MGAT4C: variants seen among roughly 807,000 people sequenced by gnomAD.
MGAT4C encodes the protein MGAT4 family member C, also known as alpha-1,3-mannosyl-glycoprotein 4-beta-N-acetylglucosaminyltransferase C.
MGAT4C carries 19 observed loss-of-function variants against 40.1 expected under a neutral mutation model. The ratio of observed to expected loss-of-function variants is 0.47; its 90% CI spans 0.33 to 0.70. The LOEUF is 0.70. Ranked by LOEUF, MGAT4C falls within the 30% of genes least tolerant of loss-of-function variation. The pLI is 0.02. For missense variants in MGAT4C, 491 were observed against 563.2 expected (o/e 0.87, Z 1.30); for synonymous variants, 181 against 187.1 (o/e 0.97, Z 0.27).
chr12:86,190,729 C>T (rs1010042017), intron 1 of MGAT4C, among the ~76,000 whole-genome samples: 6 of 151,822 alleles, frequency 4.0e-5, no homozygotes, highest in African/African-American at 1.2e-4. Context: ...AATAACGTGT[C>T]TTTTTTTGGT....
chr12:86,622,952 A>T (rs1962685317), intron 2 of MGAT4C, among the ~76,000 whole-genome samples: 1 of 152,160 alleles, frequency 6.6e-6, no homozygotes, highest in South Asian at 2.1e-4. Flanking sequence ...AGCTATAAAA[A>T]ACAAAACTCC....
At chr12:86,492,388 T>TG (rs1958154872) in intron 2 of MGAT4C, among the ~76,000 whole-genome samples, 1 of 152,138 alleles carries the variant, frequency 6.6e-6, no homozygotes, top group Admixed American at 6.5e-5. Context: ...ACTACCTGAC[T>TG]TCAAACTATA....
At chr12:86,198,523 C>T (rs1016556158) in intron 1 of MGAT4C, among the ~76,000 whole-genome samples, 11 of 152,104 alleles carry the variant, frequency 7.2e-5, no homozygotes, top group African/African-American at 2.7e-4. Context: ...TTTCATTGTT[C>T]GCATGCATAG....
At chr12:86,224,851 T>G (rs970909024) in intron 1 of MGAT4C, among the ~76,000 whole-genome samples, 5 of 151,810 alleles carry the variant, frequency 3.3e-5, no homozygotes, top group African/African-American at 1.2e-4. Context: ...ATATATCAAA[T>G]AACAATCTAA....
chr12:86,122,081 C>T (rs1178999471), intron 1 of MGAT4C, among the ~76,000 whole-genome samples: 1 of 152,078 alleles, frequency 6.6e-6, no homozygotes, highest in African/African-American at 2.4e-5. Flanking sequence ...TCATCAAACT[C>T]GAGCTGCTAT....
At chr12:86,716,792 A>G (rs1329389352) in intron 2 of MGAT4C, among the ~76,000 whole-genome samples, 1 of 152,096 alleles carries the variant, frequency 6.6e-6, no homozygotes. Context: ...AATGTTTCAT[A>G]TATTTGAAAG....
chr12:86,469,419 G>T lies in MGAT4C; in HGVS notation c.-228-34154C>A, dbSNP rs186441616. 1.4e-4 allele frequency among the ~76,000 whole-genome samples: 21 copies of T among 152,220 alleles called. No individual in the cohort carries two copies. The East Asian group carries it at 3.7e-3, about 27-fold the overall frequency. On this transcript the variant is annotated intron_variant, in intron 2 of 7. Coordinates refer to the MGAT4C transcript ENST00000548651. ...CTTTTGCCAGCACTCTCTCTTGTCTGATTCCTTTCTCTCATAAATCAAGCT... is the reference window on the plus strand; with the variant it reads ...CTTTTGCCAGCACTCTCTCTTGTCTTATTCCTTTCTCTCATAAATCAAGCT...
intron 2 of MGAT4C, among the ~76,000 whole-genome samples, chr12:86,623,566 AT>A (rs1593053599): frequency 6.6e-6 from 1 of 152,166 alleles, no homozygotes; most frequent in South Asian, 2.1e-4. Context: ...ACTAGTATTA[AT>A]TTTTTTAAGA....
At chr12:86,610,198 G>T (rs1241804482) in intron 2 of MGAT4C, among the ~76,000 whole-genome samples, 1 of 152,088 alleles carries the variant, frequency 6.6e-6, no homozygotes, top group African/African-American at 2.4e-5. Context: ...AGGTGGTCGA[G>T]GATAGCGTGA....
At chr12:86,392,157 C>T (rs145572966) in intron 3 of MGAT4C, among the ~76,000 whole-genome samples, 1 of 152,140 alleles carries the variant, frequency 6.6e-6, no homozygotes, top group East Asian at 1.9e-4. Flanking sequence ...AAGTTATGGT[C>T]TTCTAGAAGA....
intron 2 of MGAT4C, among the ~76,000 whole-genome samples, chr12:86,587,886 A>T (rs370078516): frequency 6.6e-6 from 1 of 151,946 alleles, no homozygotes; most frequent in South Asian, 2.1e-4. Flanking sequence ...CAATCATGTC[A>T]TGTGCAAACA....
At position 85,969,547 on chromosome 12, in the gene MGAT4C, G is replaced by A. The variant is rs1040675555; in HGVS notation, c.*9742C>T. 1 of 151,472 alleles carries A rather than the reference G, an allele frequency of 6.6e-6. No individual in the cohort carries two copies. The highest frequency in any genetic ancestry group is 1.5e-5 in the Non-Finnish European group (1 of 67,590). The allele number at this position is 151,472 out of a possible 1,614,324, so 9.4% of individuals were successfully genotyped here. A position where few individuals can be genotyped will look rare whatever the true frequency, so the allele number is the denominator to read the frequency against. ...GTTCAGTGGAATTACAGAAGCAAGT[G>A]TTTTAGATGTTCAAGTTTAAAAAAT... On this transcript the variant is annotated 3_prime_UTR_variant, in exon 5 of 5. Coordinates refer to ENST00000611864, the MANE Select transcript of MGAT4C (RefSeq NM_001351288.2).
intron 1 of MGAT4C, among the ~76,000 whole-genome samples, chr12:86,111,711 G>A (rs1287543470): frequency 1.3e-5 from 2 of 151,764 alleles, no homozygotes; most frequent in Non-Finnish European, 3.0e-5. Context: ...CTTAACTAGA[G>A]TGGCTACATG....
At chr12:86,569,089 A>AAC (rs1555205624) in intron 2 of MGAT4C, among the ~76,000 whole-genome samples, 1 of 151,180 alleles carries the variant, frequency 6.6e-6, no homozygotes, top group Non-Finnish European at 1.5e-5. Flanking sequence ...GAATTAGAAG[A>AAC]ATATATATAT....
chr12:86,532,957 T>A (rs1225865258), intron 2 of MGAT4C, among the ~76,000 whole-genome samples: 1 of 152,058 alleles, frequency 6.6e-6, no homozygotes, highest in African/African-American at 2.4e-5. Context: ...GGCATTCTGC[T>A]AAGTCTTTAA....
chr12:86,115,059 G>T (rs912833208), intron 1 of MGAT4C, among the ~76,000 whole-genome samples: 1 of 151,882 alleles, frequency 6.6e-6, no homozygotes, highest in African/African-American at 2.4e-5. Context: ...GGATATTTTT[G>T]GTAGTAATCT....
chr12:86,410,880 T>C (rs1038996085), intron 3 of MGAT4C, among the ~76,000 whole-genome samples: 1 of 152,198 alleles, frequency 6.6e-6, no homozygotes. Flanking sequence ...GGTCCCTCCA[T>C]TCGGGGTCCC....
At chr12:86,233,783 TC>T (rs1246209199) in intron 1 of MGAT4C, among the ~76,000 whole-genome samples, 1 of 152,202 alleles carries the variant, frequency 6.6e-6, no homozygotes, top group Non-Finnish European at 1.5e-5. Flanking sequence ...CCTCTATGTT[TC>T]CTTGTGAAAT....
intron 4 of MGAT4C, among the ~76,000 whole-genome samples, chr12:86,303,742 A>G (rs1477737900): frequency 1.3e-5 from 2 of 150,602 alleles, no homozygotes; most frequent in African/African-American, 5.0e-5. Flanking sequence ...CCTTAAAATT[A>G]TATTACTTAT....
Sources: allele counts gnomAD v4.1 joint callset (sites outside exome capture counted in the v4.1 genomes callset), GRCh38; gene constraint gnomAD v4.1.1; transcripts MANE v1.5; gene names NCBI Gene and HGNC (gene_info 2026-07-23, HGNC 2026-07-21).